SH2D4A: variants seen among roughly 807,000 people sequenced by gnomAD.
The protein encoded by SH2D4A is SH2 domain containing 4A.
A neutral mutation model predicts 64.7 loss-of-function variants in SH2D4A; 70 were observed. The ratio of observed to expected loss-of-function variants is 1.08; its 90% confidence interval spans 0.89 to 1.32. The LOEUF is 1.32. SH2D4A is among the 40% of genes most tolerant of loss of function. SH2D4A has a pLI of 0.00. For missense variants in SH2D4A, 706 were observed against 540.1 expected (o/e 1.31, Z -3.04); for synonymous variants, 268 against 200.7 (o/e 1.34, Z -2.83).
intron 7 of SH2D4A, among the ~76,000 whole-genome samples, chr8:19,368,397 A>T (rs1245235503): frequency 6.6e-6 from 1 of 152,118 alleles, no homozygotes; most frequent in Non-Finnish European, 1.5e-5. Context: ...TCTGTGAAAG[A>T]TATCATTGGT....
At chr8:19,366,199 G>C (rs1563203712) in intron 7 of SH2D4A, among the ~76,000 whole-genome samples, 1 of 152,058 alleles carries the variant, frequency 6.6e-6, no homozygotes, top group East Asian at 1.9e-4. Flanking sequence ...ATGTATTTAT[G>C]GGATACAGTG....
chr8:19,391,388 A>G (rs1444081855), intron 8 of SH2D4A, among the ~76,000 whole-genome samples: 2 of 151,950 alleles, frequency 1.3e-5, no homozygotes, highest in Admixed American at 6.6e-5. Context: ...ACGGTGTTCC[A>G]TGGGTCTGTC....
intron 4 of SH2D4A, among the ~76,000 whole-genome samples, chr8:19,346,654 A>G (rs2052618837): frequency 6.6e-6 from 1 of 152,188 alleles, no homozygotes; most frequent in South Asian, 2.1e-4. Flanking sequence ...CGATGCCAAA[A>G]AGGTAGGGAA....
At chr8:19,334,536 A>C in intron 3 of SH2D4A, 150 bp from the exon 4 acceptor site, 1 of 748,558 alleles carries the variant, frequency 1.3e-6, no homozygotes, top group South Asian at 2.0e-5. Flanking sequence ...ACGTCTTTAC[A>C]CACCTAGCAA....
intron 4 of SH2D4A, among the ~76,000 whole-genome samples, chr8:19,346,905 C>T (rs1049538294): frequency 6.6e-6 from 1 of 152,142 alleles, no homozygotes; most frequent in African/African-American, 2.4e-5. Flanking sequence ...ATCAGGAGGC[C>T]AGGCTTCGTC....
intron 2 of SH2D4A, among the ~76,000 whole-genome samples, chr8:19,321,669 A>G (rs1050207845): frequency 2.6e-5 from 4 of 152,158 alleles, no homozygotes; most frequent in African/African-American, 9.7e-5. Flanking sequence ...TTTCTTTCTA[A>G]ACTGGTTTAT....
chr8:19,315,205 G>A (rs532750670), intron 1 of SH2D4A, among the ~76,000 whole-genome samples: 2 of 152,066 alleles, frequency 1.3e-5, no homozygotes, highest in Non-Finnish European at 1.5e-5. Context: ...GTGCGATCTC[G>A]GCTCACTGTA....
In SH2D4A at chr8:19,357,313, G is replaced by T. The variant is rs772718403; in HGVS notation, c.594+30G>T. The T allele has an allele frequency of 1.8e-5, 26 of 1,474,988 alleles. No individual in the cohort carries two copies. The South Asian group carries it at 2.8e-4, about 16-fold the overall frequency. 91.4% of individuals were successfully genotyped at this position (1,474,988 alleles called of 1,614,324 possible). A position where few individuals can be genotyped will look rare whatever the true frequency, so the allele number is the denominator to read the frequency against. ...AAGACTTCCCTTCTGTCCTCCGGGG[G>T]CTGCATACCTAGGCATTTCCACTAA... is the stretch of plus-strand genomic sequence containing the variant. On this transcript the variant is annotated intron_variant, in intron 5 of 9. Coordinates refer to ENST00000265807, the MANE Select transcript of SH2D4A (RefSeq NM_022071.4).
chr8:19,361,666 C>T (rs1386284323), intron 6 of SH2D4A, among the ~76,000 whole-genome samples: 1 of 151,970 alleles, frequency 6.6e-6, no homozygotes, highest in Admixed American at 6.6e-5. Context: ...TGAAAAGCTT[C>T]GCTATTTAGA....
chr8:19,342,286 T>C (rs17128236), intron 4 of SH2D4A, among the ~76,000 whole-genome samples: 20,752 of 152,238 alleles, frequency 0.14, 1,681 homozygotes, highest in African/African-American at 0.21. Context: ...GTCAGAGTCC[T>C]CTTTGAGCTT....
chr8:19,325,257 T>G (rs2117187142), intron 2 of SH2D4A, among the ~76,000 whole-genome samples: 2 of 152,314 alleles, frequency 1.3e-5, no homozygotes, highest in East Asian at 3.9e-4. Context: ...CCATAGAGAT[T>G]TCCCACTACC....
chr8:19,372,527 G>C (rs1223730831), intron 7 of SH2D4A, among the ~76,000 whole-genome samples: 1 of 152,196 alleles, frequency 6.6e-6, no homozygotes, highest in Non-Finnish European at 1.5e-5. Flanking sequence ...TCTGTTTTTG[G>C]AGAGTGGCTG....
In SH2D4A at chr8:19,364,134, T is replaced by A. The variant is rs1447704295; in HGVS notation, c.769T>A (p.Tyr257Asn). The A allele has an allele frequency of 6.2e-7, 1 of 1,614,068 alleles. No homozygotes were observed. Among genetic ancestry groups the A allele is most frequent in the Non-Finnish European group, 8.5e-7 (1 of 1,179,986 alleles). ...RSLAKQARED[Y>N]KRLSLGAQKG... is the part of the protein sequence containing the mutation. Reference sequence around the variant, plus strand: ...CTTGGCTAAACAAGCACGAGAAGACTACAAGAGGTTATCCCTCGGGGCCCA... The same window carrying A: ...CTTGGCTAAACAAGCACGAGAAGACAACAAGAGGTTATCCCTCGGGGCCCA... The change falls in exon 7 of 10, where the codon TAC becomes AAC. Residue 257 changes from tyrosine (Y) to asparagine (N), a missense_variant. Tyr to Asn is a moderately radical substitution (Grantham distance 143). Coordinates refer to ENST00000265807, the MANE Select transcript of SH2D4A (RefSeq NM_022071.4).
intron 6 of SH2D4A, 124 bp downstream of exon 6, chr8:19,361,438 C>A: frequency 1.1e-6 from 1 of 949,068 alleles, no homozygotes; most frequent in Non-Finnish European, 1.4e-6. Flanking sequence ...AGTAAGTTAC[C>A]ACTCAAATGT....
intron 1 of SH2D4A, among the ~76,000 whole-genome samples, chr8:19,317,052 A>T (rs970515918): frequency 3.3e-5 from 5 of 152,228 alleles, no homozygotes; most frequent in African/African-American, 1.2e-4. Flanking sequence ...TGCCTTGAAT[A>T]GGATTCGCTG....
chr8:19,358,556 T>C (rs1490568770), intron 5 of SH2D4A, among the ~76,000 whole-genome samples: 6 of 152,144 alleles, frequency 3.9e-5, no homozygotes, highest in African/African-American at 1.4e-4. Context: ...GCCATGTGGA[T>C]GTCTGTTCCA....
At chr8:19,364,738 T>C (rs2052961673) in intron 7 of SH2D4A, among the ~76,000 whole-genome samples, 1 of 152,168 alleles carries the variant, frequency 6.6e-6, no homozygotes, top group South Asian at 2.1e-4. Flanking sequence ...TGGGAGTACA[T>C]TTTCACTGCC....
At chr8:19,337,436 T>G (rs1376095201) in intron 4 of SH2D4A, among the ~76,000 whole-genome samples, 3 of 152,130 alleles carry the variant, frequency 2.0e-5, no homozygotes, top group African/African-American at 7.2e-5. Flanking sequence ...AATAGATCTT[T>G]GCAGATGTAA....
At chr8:19,329,210 G>C (rs920630162) in intron 2 of SH2D4A, among the ~76,000 whole-genome samples, 1 of 152,090 alleles carries the variant, frequency 6.6e-6, no homozygotes, top group African/African-American at 2.4e-5. Flanking sequence ...TCAGTACAAA[G>C]AACTTGTCGT....
Sources: allele counts gnomAD v4.1 joint callset (sites outside exome capture counted in the v4.1 genomes callset), GRCh38; gene constraint gnomAD v4.1.1; transcripts MANE v1.5; gene names NCBI Gene and HGNC (gene_info 2026-07-23, HGNC 2026-07-21).